Variants in DLG2 observed in about 807,000 individuals in gnomAD.
DLG2 encodes discs large MAGUK scaffold protein 2.
A neutral mutation model predicts 132.5 loss-of-function variants in DLG2; 45 were observed. The observed-to-expected ratio is 0.34, with a 90% CI of 0.27 to 0.44. The LOEUF is 0.44. Among genes scored for constraint, DLG2 ranks in the 20% least tolerant of loss-of-function variants. The pLI, the probability that DLG2 is intolerant of heterozygous loss-of-function variation, is 1.00. For missense variants in DLG2, 1,045 were observed against 1,196.9 expected (o/e 0.87, Z 1.87); for synonymous variants, 424 against 419.6 (o/e 1.01, Z -0.13).
At chr11:84,402,971 A>C (rs1250420086) in intron 7 of DLG2, among the ~76,000 whole-genome samples, 1 of 150,056 alleles carries the variant, frequency 6.7e-6, no homozygotes, top group Non-Finnish European at 1.5e-5. Context: ...CAGAAAAGGA[A>C]GAATTCCATT....
chr11:85,420,468 G>C (rs562331278), intron 3 of DLG2, among the ~76,000 whole-genome samples: 1 of 152,322 alleles, frequency 6.6e-6, no homozygotes, highest in East Asian at 1.9e-4. Flanking sequence ...TGTGCTGGGA[G>C]ATCCACTGCT....
Position 85,598,741 on chromosome 11 carries a change from T to G in DLG2, c.-45A>C, listed in dbSNP as rs758218312. ...TTCAACAGCTGCTCCTCTGGTTTCCTTAATTTTTTGCAGTATTCTTCCAGT... is the reference window on the plus strand; with the variant it reads ...TTCAACAGCTGCTCCTCTGGTTTCCGTAATTTTTTGCAGTATTCTTCCAGT... On this transcript the variant is annotated 5_prime_UTR_variant, in exon 3 of 28. Coordinates refer to ENST00000376104, the MANE Select transcript of DLG2 (RefSeq NM_001142699.3). The G allele has an allele frequency of 1.3e-6, 2 of 1,548,290 alleles. No individual in the cohort carries two copies. Among genetic ancestry groups the G allele is most frequent in the Non-Finnish European group, 1.7e-6 (2 of 1,147,422 alleles).
At chr11:85,093,801 T>A (rs969234014) in intron 6 of DLG2, among the ~76,000 whole-genome samples, 2 of 152,124 alleles carry the variant, frequency 1.3e-5, no homozygotes, top group Admixed American at 6.5e-5. Context: ...CAAGATGAGA[T>A]TTGGGTGGGG....
intron 21 of DLG2, among the ~76,000 whole-genome samples, chr11:83,520,639 GTAGA>G (rs71066046): frequency 0.13 from 18,853 of 147,988 alleles, 2,169 homozygotes; most frequent in African/African-American, 0.31. Flanking sequence ...AGGTAGGTAG[GTAGA>G]TAGATAGATA....
At chr11:84,232,416 C>T (rs1297642388) in intron 8 of DLG2, among the ~76,000 whole-genome samples, 1 of 152,110 alleles carries the variant, frequency 6.6e-6, no homozygotes, top group African/African-American at 2.4e-5. Flanking sequence ...ATGAGTTAAT[C>T]AAATTACCTT....
At chr11:85,384,445 A>C (rs988395394) in intron 3 of DLG2, among the ~76,000 whole-genome samples, 1 of 152,228 alleles carries the variant, frequency 6.6e-6, no homozygotes, top group East Asian at 1.9e-4. Flanking sequence ...ATTGGAACTC[A>C]TATCAAAAAG....
intron 6 of DLG2, among the ~76,000 whole-genome samples, chr11:85,093,668 C>T (rs1017968140): frequency 6.6e-6 from 1 of 152,164 alleles, no homozygotes; most frequent in Non-Finnish European, 1.5e-5. Flanking sequence ...GATTATAAAA[C>T]CATCAGATGT....
intron 8 of DLG2, among the ~76,000 whole-genome samples, chr11:84,234,780 C>T (rs1448444718): frequency 6.6e-6 from 1 of 152,172 alleles, no homozygotes; most frequent in Admixed American, 6.5e-5. Context: ...TGACAGAGAG[C>T]AGGCCCTGAA....
At chr11:85,448,917 C>T (rs1417884425) in intron 3 of DLG2, among the ~76,000 whole-genome samples, 2 of 152,104 alleles carry the variant, frequency 1.3e-5, no homozygotes, top group African/African-American at 4.8e-5. Context: ...GCTTCTCTCT[C>T]CCTCTCCCTC....
chr11:84,136,309 T>A (rs1218848584), intron 9 of DLG2, among the ~76,000 whole-genome samples: 3 of 152,162 alleles, frequency 2.0e-5, no homozygotes, highest in African/African-American at 7.2e-5. Context: ...CCCTACCATT[T>A]AATAAAAATG....
chr11:83,844,412 G>A (rs193122126), intron 16 of DLG2, among the ~76,000 whole-genome samples: 42 of 151,494 alleles, frequency 2.8e-4, no homozygotes, highest in African/African-American at 8.7e-4. Flanking sequence ...GCTGGGCATG[G>A]TGGTGCATGT....
chr11:84,377,874 A>G (rs1020094665), intron 7 of DLG2, among the ~76,000 whole-genome samples: 1 of 152,222 alleles, frequency 6.6e-6, no homozygotes, highest in African/African-American at 2.4e-5. Context: ...CACTGGGGAC[A>G]TCTGCCATTC....
At chr11:83,591,029 CA>C (rs1442605981) in intron 19 of DLG2, among the ~76,000 whole-genome samples, 2 of 152,104 alleles carry the variant, frequency 1.3e-5, no homozygotes, top group Non-Finnish European at 2.9e-5. Flanking sequence ...AGTCCAGGAC[CA>C]GATGGATTCA....
At chr11:85,116,571 G>A (rs2073615842) in intron 5 of DLG2, among the ~76,000 whole-genome samples, 1 of 151,824 alleles carries the variant, frequency 6.6e-6, no homozygotes, top group African/African-American at 2.4e-5. Flanking sequence ...GGTTTTCATT[G>A]AATTAGTTTT....
chr11:85,221,293 G>C (rs1205742629), intron 4 of DLG2, among the ~76,000 whole-genome samples: 1 of 151,920 alleles, frequency 6.6e-6, no homozygotes, highest in African/African-American at 2.4e-5. Context: ...TCCTGACCTC[G>C]TGATCCATCC....
At chr11:84,309,441 T>G (rs914064443) in intron 7 of DLG2, among the ~76,000 whole-genome samples, 1 of 152,182 alleles carries the variant, frequency 6.6e-6, no homozygotes, top group Non-Finnish European at 1.5e-5. Context: ...AAGGAAAACT[T>G]AATTCCGAGT....
At chr11:85,013,592 G>C (rs895893518) in intron 6 of DLG2, among the ~76,000 whole-genome samples, 25 of 152,126 alleles carry the variant, frequency 1.6e-4, no homozygotes, top group Non-Finnish European at 2.9e-5. Flanking sequence ...AAGTATGAGT[G>C]CAATTGTTCT....
chr11:84,750,228 T>C (rs534916430), intron 6 of DLG2, among the ~76,000 whole-genome samples: 7 of 152,286 alleles, frequency 4.6e-5, no homozygotes, highest in African/African-American at 1.4e-4. Flanking sequence ...TAGGTAAATG[T>C]GTGCCATGGT....
chr11:84,841,039 G>A (rs1334573879), intron 6 of DLG2, among the ~76,000 whole-genome samples: 3 of 151,072 alleles, frequency 2.0e-5, no homozygotes, highest in African/African-American at 7.3e-5. Context: ...TAAGTAGGGG[G>A]GATAAACTCT....
Sources: allele counts gnomAD v4.1 joint callset (sites outside exome capture counted in the v4.1 genomes callset), GRCh38; gene constraint gnomAD v4.1.1; transcripts MANE v1.5; gene names NCBI Gene and HGNC (gene_info 2026-07-23, HGNC 2026-07-21).